DIP2C: variants seen among roughly 807,000 people sequenced by gnomAD.
DIP2C encodes disco-interacting protein 2 homolog C.
In DIP2C, 33 loss-of-function variants were observed where a neutral mutation model predicts 192.4. The ratio of observed to expected loss-of-function variants is 0.17; its 90% CI spans 0.13 to 0.23. The LOEUF (loss-of-function observed/expected upper bound fraction) is 0.23. Among genes scored for constraint, DIP2C ranks in the 10% least tolerant of loss-of-function variants. DIP2C has a pLI of 1.00. For synonymous variants in DIP2C, 979 were observed against 864.1 expected (o/e 1.13, Z -2.33); for missense variants, 1,537 against 2,110.1 (o/e 0.73, Z 5.32).
chr10:336,921 T>TGTGTG (rs59758615), intron 29 of DIP2C, among the ~76,000 whole-genome samples: 62 of 49,938 alleles, frequency 1.2e-3, no homozygotes, highest in Non-Finnish European at 2.3e-3. Flanking sequence ...TGTGTGTGTG[T>TGTGTG]TGTGGAGGCC....
At chr10:570,527 C>A (rs1032181819) in intron 1 of DIP2C, among the ~76,000 whole-genome samples, 1 of 152,214 alleles carries the variant, frequency 6.6e-6, no homozygotes, top group Non-Finnish European at 1.5e-5. Flanking sequence ...CAGAGGCCTG[C>A]GCTCTTCCAT....
At chr10:661,094 T>C (rs1856730610) in intron 1 of DIP2C, among the ~76,000 whole-genome samples, 1 of 152,204 alleles carries the variant, frequency 6.6e-6, no homozygotes, top group African/African-American at 2.4e-5. Context: ...AATTAGCCAT[T>C]GACAGTAACC....
At chr10:344,657 C>T (rs185237687) in intron 28 of DIP2C, 152 bp downstream of exon 28, 10 of 659,624 alleles carry the variant, frequency 1.5e-5, no homozygotes, top group East Asian at 5.4e-5. Flanking sequence ...AATGGTCATA[C>T]GTGTCATACC....
chr10:487,225 A>C (rs1254295161), intron 1 of DIP2C, among the ~76,000 whole-genome samples: 1 of 152,228 alleles, frequency 6.6e-6, no homozygotes, highest in Non-Finnish European at 1.5e-5. Context: ...CACAAGCTCC[A>C]GCACACACAG....
At chr10:619,364 C>T (rs984149012) in intron 1 of DIP2C, among the ~76,000 whole-genome samples, 16 of 152,346 alleles carry the variant, frequency 1.1e-4, no homozygotes, top group Admixed American at 3.3e-4. Context: ...GGGCTGGCTC[C>T]GGGGAAGCGA....
At chr10:642,312 C>T (rs1198588194) in intron 1 of DIP2C, among the ~76,000 whole-genome samples, 2 of 152,258 alleles carry the variant, frequency 1.3e-5, no homozygotes, top group Middle Eastern at 3.4e-3. Flanking sequence ...CGCCTCCTAA[C>T]GTCACACTGG....
At chr10:581,204 T>TAC (rs1252500616) in intron 1 of DIP2C, among the ~76,000 whole-genome samples, 5 of 152,178 alleles carry the variant, frequency 3.3e-5, no homozygotes, top group African/African-American at 1.2e-4. Context: ...TACTCTAGTC[T>TAC]ACTTGTTTCC....
At chr10:578,094 A>C (rs1176910482) in intron 1 of DIP2C, among the ~76,000 whole-genome samples, 1 of 152,226 alleles carries the variant, frequency 6.6e-6, no homozygotes, top group Non-Finnish European at 1.5e-5. Context: ...TGTTTTGCAC[A>C]AAGTCCTTAT....
chr10:370,121 G>A (rs1960787202), intron 17 of DIP2C: 1 of 877,072 alleles, frequency 1.1e-6, no homozygotes, highest in South Asian at 5.2e-5. Context: ...GATGCAGACT[G>A]CCTGGGCGTA....
At chr10:637,313 GACAA>G (rs774340110) in intron 1 of DIP2C, among the ~76,000 whole-genome samples, 2 of 147,372 alleles carry the variant, frequency 1.4e-5, no homozygotes, top group Non-Finnish European at 1.5e-5. Flanking sequence ...GGCGGGGACT[GACAA>G]ACAACAGAAA....
intron 1 of DIP2C, among the ~76,000 whole-genome samples, chr10:588,300 G>A (rs1046008976): frequency 3.3e-5 from 5 of 152,268 alleles, no homozygotes; most frequent in Non-Finnish European, 4.4e-5. Context: ...ACCAGCCACA[G>A]GAGGGCAGGG....
At chr10:456,899 C>T (rs1969348881) in intron 3 of DIP2C, among the ~76,000 whole-genome samples, 2 of 152,254 alleles carry the variant, frequency 1.3e-5, no homozygotes, top group South Asian at 4.1e-4. Flanking sequence ...CATTCCTTCT[C>T]TAAGTCTTTT....
rs1854842829 is a variant in DIP2C, at chr10:636,387, T to C, written c.85+53107A>G. Among the ~76,000 whole-genome samples the C allele has an allele frequency of 6.6e-6, 1 of 152,162 alleles. No individual in the cohort carries two copies. The highest frequency in any genetic ancestry group is 6.5e-5 in the Admixed American group (1 of 15,276). ...TTTCTCCACGTGGAGTTCCGACAACTAACATTTCGGTAGATTTGCTTTCTC... is the reference window on the plus strand; with the variant it reads ...TTTCTCCACGTGGAGTTCCGACAACCAACATTTCGGTAGATTTGCTTTCTC... On this transcript the variant is annotated intron_variant, in intron 1 of 36. Transcript: ENST00000280886. This position sits in a 1 kb window ranked among gnomAD's most constrained non-coding sequence, Gnocchi z 4.6.
chr10:302,763 CACAGTAAA>C (rs1956111717), intron 32 of DIP2C, among the ~76,000 whole-genome samples: 2 of 152,162 alleles, frequency 1.3e-5, no homozygotes, highest in Admixed American at 1.3e-4. Flanking sequence ...ATAGAAAAGG[CACAGTAAA>C]ACATGCTGTG....
chr10:383,919 C>A (rs150399242), intron 16 of DIP2C, 108 bp downstream of exon 16: 3 of 1,350,822 alleles, frequency 2.2e-6, no homozygotes, highest in Admixed American at 3.6e-5. Flanking sequence ...AAGAATGAAA[C>A]CTGGGGAAAA....
intron 31 of DIP2C, among the ~76,000 whole-genome samples, chr10:313,002 G>A (rs940792161): frequency 1.3e-5 from 2 of 152,140 alleles, no homozygotes; most frequent in Admixed American, 1.3e-4. Context: ...CCACGTGGAG[G>A]AGGCAACACA....
intron 1 of DIP2C, among the ~76,000 whole-genome samples, chr10:620,921 G>A (rs1464892241): frequency 6.6e-6 from 1 of 152,226 alleles, no homozygotes; most frequent in Non-Finnish European, 1.5e-5. Context: ...GTATCTAACG[G>A]CTTAACCACG....
At chr10:304,724 C>T (rs994442358) in intron 32 of DIP2C, among the ~76,000 whole-genome samples, 2 of 149,376 alleles carry the variant, frequency 1.3e-5, no homozygotes, top group East Asian at 1.9e-4. Context: ...CATGCACACA[C>T]GTACACATGT....
At chr10:371,639 C>T (rs1960969726) in intron 17 of DIP2C, among the ~76,000 whole-genome samples, 1 of 151,112 alleles carries the variant, frequency 6.6e-6, no homozygotes, top group South Asian at 2.1e-4. Context: ...AGCAGAGCAG[C>T]ACCCGAGGGA....
Sources: gnomAD v4.1 joint callset for allele counts (sites outside exome capture counted in the v4.1 genomes callset) on GRCh38, gnomAD v4.1.1 for gene constraint, Gnocchi (gnomAD v3.1) non-coding constraint, MANE v1.5 for transcripts, NCBI Gene and HGNC (gene_info 2026-07-23, HGNC 2026-07-21) for gene names.